VPS35L: variants seen among roughly 807,000 people sequenced by gnomAD.
The protein encoded by VPS35L is VPS35 endosomal protein-sorting factor-like.
VPS35L carries 83 observed loss-of-function variants against 133.0 expected under a neutral mutation model. The ratio of observed to expected loss-of-function variants is 0.62; its 90% CI spans 0.52 to 0.75. The LOEUF is 0.75. VPS35L is among the 30% of genes least tolerant of loss of function. The probability of loss-of-function intolerance (pLI) is 0.00; values close to 1 mark genes in which losing one functional copy is unlikely to be tolerated. For synonymous variants in VPS35L, 423 were observed against 449.9 expected (o/e 0.94, Z 0.76); for missense variants, 1,083 against 1,206.8 (o/e 0.90, Z 1.52).
intron 15 of VPS35L, 43 bp downstream of exon 15, chr16:19,626,266 G>C (rs200314193): frequency 6.9e-7 from 1 of 1,446,562 alleles, no homozygotes; most frequent in Non-Finnish European, 9.7e-7. Context: ...TGAAAATGGC[G>C]TTGGCTGCTA....
intron 9 of VPS35L, chr16:19,607,845 CTTGCTGTGTGCCTTGGG>C: frequency 4.9e-6 from 1 of 205,202 alleles, no homozygotes; most frequent in Non-Finnish European, 9.9e-6. Flanking sequence ...CTTACATTTG[CTTGCTGTGTGCCTTGGG>C]TGAGTCACTA....
In VPS35L at chr16:19,674,360, T is replaced by G. The variant is rs1287119554; in HGVS notation, c.2361+5061T>G. Among the ~76,000 whole-genome samples the G allele has an allele frequency of 1.5e-4, 13 of 84,616 alleles. No homozygotes were observed. The East Asian group carries it at 3.2e-3, about 21-fold the overall frequency. The allele number at this position is 84,616 out of a possible 152,430, so 55.5% of individuals were successfully genotyped here. On this transcript the variant is annotated intron_variant, in intron 27 of 30. Coordinates refer to ENST00000417362, the MANE Select transcript of VPS35L (RefSeq NM_020314.7). ...GCGCCCACCACCACACCTGGCTAAT[T>G]TTTTTTTTGTCTTTTAGTAGAGACA...
chr16:19,645,943 T>G (rs1030276799), intron 23 of VPS35L, among the ~76,000 whole-genome samples: 2 of 147,078 alleles, frequency 1.4e-5, no homozygotes, highest in African/African-American at 2.6e-5. Context: ...CTTAGTGGCT[T>G]TAAATAACAG....
chr16:19,570,174 C>T (rs913094114), intron 3 of VPS35L, among the ~76,000 whole-genome samples: 1 of 152,092 alleles, frequency 6.6e-6, no homozygotes, highest in African/African-American at 2.4e-5. Flanking sequence ...AAGCAATTCT[C>T]TCACCTCAGC....
At chr16:19,611,286 C>T (rs1972711439) in intron 12 of VPS35L, among the ~76,000 whole-genome samples, 1 of 152,190 alleles carries the variant, frequency 6.6e-6, no homozygotes, top group Admixed American at 6.5e-5. Flanking sequence ...AGGCGTGAGC[C>T]ACTGCGCCCG....
At chr16:19,630,435 G>A (rs1421847775) in intron 18 of VPS35L, among the ~76,000 whole-genome samples, 3 of 146,228 alleles carry the variant, frequency 2.1e-5, no homozygotes, top group African/African-American at 7.7e-5. Context: ...CCGGGTTCAC[G>A]CCATTCTCCT....
intron 25 of VPS35L, among the ~76,000 whole-genome samples, chr16:19,650,861 A>C (rs1411463001): frequency 6.6e-6 from 1 of 152,000 alleles, no homozygotes; most frequent in African/African-American, 2.4e-5. Context: ...TTTCCTCTAG[A>C]TAATAATGAT....
rs373429087 is a variant in VPS35L at position 19,661,313 on chromosome 16, CTT to C, written c.2222-7845_2222-7844del. ...ACTCCTGTTGAAAAATATATGAACT[CTT>C]TGCAAGTTTTTGCTCTGGCAGACAA... On this transcript the variant is annotated intron_variant, in intron 26 of 30. Transcript: ENST00000417362. Among the ~76,000 whole-genome samples the C allele has an allele frequency of 3.2e-4, 49 of 152,164 alleles. 1 individual carries two copies. In the East Asian group the frequency reaches 8.7e-3, roughly 27 times the overall value.
chr16:19,600,571 A>G (rs1008690254), intron 8 of VPS35L, among the ~76,000 whole-genome samples: 1 of 152,206 alleles, frequency 6.6e-6, no homozygotes, highest in African/African-American at 2.4e-5. Flanking sequence ...ATGTTCATCC[A>G]TCCAACAAAT....
At chr16:19,647,497 C>T (rs1175180919) in intron 23 of VPS35L, among the ~76,000 whole-genome samples, 1 of 152,206 alleles carries the variant, frequency 6.6e-6, no homozygotes, top group African/African-American at 2.4e-5. Context: ...GTTACGATGG[C>T]AAACCTTCTG....
chr16:19,674,884 A>G (rs936301285), intron 27 of VPS35L, among the ~76,000 whole-genome samples: 5 of 151,990 alleles, frequency 3.3e-5, no homozygotes, highest in African/African-American at 1.2e-4. Flanking sequence ...CATATGGCAG[A>G]ATTTCCTTCT....
chr16:19,570,058 A>T (rs1971314210), intron 3 of VPS35L, among the ~76,000 whole-genome samples: 1 of 151,904 alleles, frequency 6.6e-6, no homozygotes, highest in South Asian at 2.1e-4. Context: ...GCATTTTAAA[A>T]TTTATTTTTA....
chr16:19,591,253 A>C (rs1972033877), intron 7 of VPS35L, among the ~76,000 whole-genome samples: 3 of 152,180 alleles, frequency 2.0e-5, no homozygotes, highest in African/African-American at 4.8e-5. Flanking sequence ...TCAACAGAAG[A>C]AGCCAGTCTG....
intron 12 of VPS35L, among the ~76,000 whole-genome samples, chr16:19,613,844 A>C (rs761967242): frequency 3.9e-4 from 59 of 152,198 alleles, no homozygotes; most frequent in Non-Finnish European, 6.5e-4. Context: ...CCCCAGAGAC[A>C]AATCTAATTT....
At chr16:19,592,119 G>T (rs952622578) in intron 8 of VPS35L, among the ~76,000 whole-genome samples, 1 of 150,990 alleles carries the variant, frequency 6.6e-6, no homozygotes, top group African/African-American at 2.4e-5. Flanking sequence ...CTGTTATCCA[G>T]ACTGGAGGGC....
intron 26 of VPS35L, among the ~76,000 whole-genome samples, chr16:19,667,462 G>A (rs956403378): frequency 1.3e-5 from 2 of 152,142 alleles, no homozygotes; most frequent in Admixed American, 6.5e-5. Flanking sequence ...GGCCCAATGC[G>A]GTGGCTCACG....
chr16:19,628,098 G>A (rs534296338), intron 16 of VPS35L, among the ~76,000 whole-genome samples: 22 of 152,236 alleles, frequency 1.4e-4, no homozygotes, highest in Admixed American at 3.9e-4. Context: ...GGGCACGGTG[G>A]CTCATGTTTA....
intron 18 of VPS35L, among the ~76,000 whole-genome samples, chr16:19,632,085 C>G (rs1973474120): frequency 1.3e-5 from 2 of 152,174 alleles, no homozygotes; most frequent in Non-Finnish European, 2.9e-5. Context: ...CCTCAGCCTC[C>G]TAAGTAACTA....
intron 14 of VPS35L, among the ~76,000 whole-genome samples, chr16:19,619,402 G>T (rs560629224): frequency 6.6e-6 from 1 of 152,236 alleles, no homozygotes; most frequent in South Asian, 2.1e-4. Context: ...AAGATTGTTT[G>T]AAGTTTTGCT....
Sources: allele counts gnomAD v4.1 joint callset (sites outside exome capture counted in the v4.1 genomes callset), GRCh38; gene constraint gnomAD v4.1.1; transcripts MANE v1.5; gene names NCBI Gene and HGNC (gene_info 2026-07-23, HGNC 2026-07-21).